PEAK1: variants seen among roughly 807,000 people sequenced by gnomAD.
PEAK1 encodes inactive tyrosine-protein kinase PEAK1.
PEAK1 carries 54 observed loss-of-function variants against 124.7 expected under a neutral mutation model. The ratio of observed to expected loss-of-function variants is 0.43; its 90% CI spans 0.35 to 0.54. PEAK1 has a LOEUF of 0.54. PEAK1 is among the 20% of genes least tolerant of loss of function. The pLI is 0.01. For missense variants in PEAK1, 2,046 were observed against 2,134.5 expected (o/e 0.96, Z 0.82); for synonymous variants, 719 against 760.0 (o/e 0.95, Z 0.89).
Position 77,299,326 on chromosome 15 carries a change from A to G in PEAK1, c.-602-12822T>C, listed in dbSNP as rs528784623. 4.9e-3 allele frequency among the ~76,000 whole-genome samples: 752 copies of G among 152,352 alleles called. 14 individuals are homozygous for G. Among genetic ancestry groups the G allele is most frequent in the African/African-American group, 0.017 (716 of 41,572 alleles). On this transcript the variant is annotated intron_variant, in intron 2 of 9. Coordinates refer to ENST00000682557, the MANE Select transcript of PEAK1 (RefSeq NM_001385026.1). ...TTTTAAAAATAATTTCAAACAGAAAAGTTCAAGAATGGTTTTTTCCCCAAT... is the reference window on the plus strand; with the variant it reads ...TTTTAAAAATAATTTCAAACAGAAAGGTTCAAGAATGGTTTTTTCCCCAAT...
chr15:77,118,002 A>C (rs1330084327), intron 9 of PEAK1, among the ~76,000 whole-genome samples: 1 of 152,234 alleles, frequency 6.6e-6, no homozygotes, highest in African/African-American at 2.4e-5. Flanking sequence ...GAGATAAAGG[A>C]TCAAAGTGAT....
intron 2 of PEAK1, among the ~76,000 whole-genome samples, chr15:77,364,629 A>G (rs530126763): frequency 6.6e-6 from 1 of 152,338 alleles, no homozygotes; most frequent in South Asian, 2.1e-4. Flanking sequence ...CTATGATCCT[A>G]CCTTTAGAGT....
At chr15:77,369,930 A>T (rs1179405689) in intron 1 of PEAK1, among the ~76,000 whole-genome samples, 1 of 152,124 alleles carries the variant, frequency 6.6e-6, no homozygotes, top group Non-Finnish European at 1.5e-5. Flanking sequence ...TCTGGGAATT[A>T]AAAAAAGAGG....
chr15:77,344,417 T>C (rs1193430952), intron 2 of PEAK1, among the ~76,000 whole-genome samples: 1 of 152,154 alleles, frequency 6.6e-6, no homozygotes, highest in Non-Finnish European at 1.5e-5. Context: ...ATTCCACTGG[T>C]TTATATATCT....
At chr15:77,214,614 ACT>A (rs1229085557) in intron 6 of PEAK1, among the ~76,000 whole-genome samples, 1 of 147,954 alleles carries the variant, frequency 6.8e-6, no homozygotes, top group Non-Finnish European at 1.5e-5. Context: ...ACAGAGCAAG[ACT>A]CTGTCTCCAA....
chr15:77,184,050 A>C lies in PEAK1; in HGVS notation c.-114-2010T>G, dbSNP rs140633032. 3.3e-3 allele frequency among the ~76,000 whole-genome samples: 509 copies of C among 152,148 alleles called. 10 individuals carry two copies. The East Asian group carries it at 0.043, about 13-fold the overall frequency. ...TCTCCATGTTGTCCAGGGTGGTCTC[A>C]AACTCTTGGGCTCAAGGGACCCAGC... On this transcript the variant is annotated intron_variant, in intron 6 of 9. Coordinates refer to ENST00000682557, the MANE Select transcript of PEAK1 (RefSeq NM_001385026.1).
chr15:77,372,908 C>T lies in PEAK1; in HGVS notation c.-665-7683G>A, dbSNP rs760944716. ...TTTATGCCTGCTTCCCTTGGCCTTC[C>T]GCCATGATTATAAGTTTCCTGAAGC... On this transcript the variant is annotated intron_variant, in intron 1 of 9. Coordinates refer to ENST00000682557, the MANE Select transcript of PEAK1 (RefSeq NM_001385026.1). Among the ~76,000 whole-genome samples, 9 of 152,244 alleles carry T rather than the reference C, an allele frequency of 5.9e-5. No individual in the cohort carries two copies. The East Asian group carries it at 7.7e-4, about 13-fold the overall frequency.
At chr15:77,353,926 T>C (rs1484444809) in intron 2 of PEAK1, among the ~76,000 whole-genome samples, 1 of 152,224 alleles carries the variant, frequency 6.6e-6, no homozygotes, top group East Asian at 1.9e-4. Context: ...TGAAATCCTT[T>C]GTTACATTTC....
intron 8 of PEAK1, among the ~76,000 whole-genome samples, chr15:77,149,334 T>C (rs2054403952): frequency 6.6e-6 from 1 of 152,164 alleles, no homozygotes; most frequent in Admixed American, 6.6e-5. Flanking sequence ...CACTGCCTTA[T>C]TAAAGAAACA....
chr15:77,290,692 G>A (rs78004804), intron 2 of PEAK1, among the ~76,000 whole-genome samples: 1 of 152,178 alleles, frequency 6.6e-6, no homozygotes, highest in African/African-American at 2.4e-5. Context: ...TGGGACTACG[G>A]GTGCACACTA....
At chr15:77,276,076 T>TA (rs2062306753) in intron 5 of PEAK1, among the ~76,000 whole-genome samples, 2 of 151,322 alleles carry the variant, frequency 1.3e-5, no homozygotes, top group Non-Finnish European at 2.9e-5. Context: ...GAAAACAAAC[T>TA]AAAAAAACAA....
At chr15:77,152,267 A>C (rs938183680) in intron 8 of PEAK1, among the ~76,000 whole-genome samples, 17 of 152,110 alleles carry the variant, frequency 1.1e-4, no homozygotes, top group Non-Finnish European at 1.5e-4. Context: ...ATGGGAGTTC[A>C]CGCATGATTT....
intron 1 of PEAK1, chr15:77,401,841 T>G (rs1381389489): frequency 1.0e-6 from 1 of 984,272 alleles, no homozygotes; most frequent in African/African-American, 1.7e-5. Context: ...ATTAGGTACA[T>G]CTTGCTTTAT....
intron 2 of PEAK1, among the ~76,000 whole-genome samples, chr15:77,314,394 A>G (rs1306656863): frequency 6.6e-6 from 1 of 151,766 alleles, no homozygotes; most frequent in Non-Finnish European, 1.5e-5. Flanking sequence ...TTTAAGACAG[A>G]GTTTCTCTCT....
intron 8 of PEAK1, among the ~76,000 whole-genome samples, chr15:77,135,407 A>G (rs2053230574): frequency 6.6e-6 from 1 of 152,172 alleles, no homozygotes; most frequent in South Asian, 2.1e-4. Context: ...CAATCTCATA[A>G]TTACGCAAAA....
intron 2 of PEAK1, among the ~76,000 whole-genome samples, chr15:77,329,938 A>G (rs2065799725): frequency 6.6e-6 from 1 of 152,292 alleles, no homozygotes; most frequent in South Asian, 2.1e-4. Context: ...GTTAACTAAT[A>G]TCTTGGTTCT....
intron 2 of PEAK1, among the ~76,000 whole-genome samples, chr15:77,301,531 T>C (rs1018156966): frequency 1.3e-5 from 2 of 152,232 alleles, no homozygotes; most frequent in African/African-American, 4.8e-5. Flanking sequence ...TTACTGGTCA[T>C]ATGTTTTGCA....
chr15:77,333,156 T>C (rs1180537217), intron 2 of PEAK1: 2 of 953,820 alleles, frequency 2.1e-6, no homozygotes, highest in East Asian at 2.3e-4. Flanking sequence ...ATTTATTTAT[T>C]TATTTATTTA....
At chr15:77,199,350 A>G (rs2058254070) in intron 6 of PEAK1, among the ~76,000 whole-genome samples, 1 of 152,240 alleles carries the variant, frequency 6.6e-6, no homozygotes, top group African/African-American at 2.4e-5. Flanking sequence ...TCTACTTGCC[A>G]TCAAACACAA....
Sources: gnomAD v4.1 joint callset for allele counts (sites outside exome capture counted in the v4.1 genomes callset) on GRCh38, gnomAD v4.1.1 for gene constraint, MANE v1.5 for transcripts, NCBI Gene and HGNC (gene_info 2026-07-23, HGNC 2026-07-21) for gene names.